The following CAMKK2 variants were observed in gnomAD, a reference collection of about 807,000 sequenced individuals.
The protein encoded by CAMKK2 is calcium/calmodulin dependent protein kinase kinase 2, also known as calcium/calmodulin-dependent protein kinase kinase 2.
Under a neutral mutation model 67.2 loss-of-function variants are expected in CAMKK2, and 30 were observed. The observed-to-expected ratio is 0.45, with a 90% CI of 0.33 to 0.61. The LOEUF is 0.61. Ranked by LOEUF, CAMKK2 falls within the 20% of genes least tolerant of loss-of-function variation. The probability of loss-of-function intolerance (pLI) is 0.02; values close to 1 mark genes in which losing one functional copy is unlikely to be tolerated. For synonymous variants in CAMKK2, 322 were observed against 326.2 expected (o/e 0.99, Z 0.14); for missense variants, 643 against 802.0 (o/e 0.80, Z 2.39).
At chr12:121,252,317 G>A (rs540034485) in intron 11 of CAMKK2, among the ~76,000 whole-genome samples, 29 of 152,342 alleles carry the variant, frequency 1.9e-4, no homozygotes, top group Admixed American at 8.5e-4. Context: ...TGCCCAGGCT[G>A]GAATACAATG....
chr12:121,253,469 T>G lies in CAMKK2; in HGVS notation c.911A>C (p.His304Pro). 6.2e-7 allele frequency: 1 copy of G among 1,613,984 alleles called. No individual in the cohort carries two copies. The highest frequency in any genetic ancestry group is 8.5e-7 in the Non-Finnish European group (1 of 1,179,970). ...GTCACGGTGGATGATCTTCTGGTAG[T>G]GTACTGGGGAGGCGTAGACAGCAGG... The part of the protein sequence containing the change: ...QDLIKGIEYL[H>P]YQKIIHRDIK... The change falls in exon 10 of 17, where the codon CAC becomes CCC. Residue 304 changes from histidine (H) to proline (P), a missense_variant. His to Pro is a moderately conservative substitution (Grantham distance 77). Around this residue, in one of 3 missense-constraint regions of CAMKK2, gnomAD observed 483 missense variants for 625.8 expected, o/e 0.77. Coordinates refer to ENST00000404169, the MANE Select transcript of CAMKK2 (RefSeq NM_001270485.2). This position sits in a 1 kb window ranked among gnomAD's most constrained non-coding sequence, Gnocchi z 5.0.
Position 121,285,374 on chromosome 12 carries a change from A to C in CAMKK2, c.-59-10789T>G, listed in dbSNP as rs1898523065. ...AGAAATTAGCCAGGTATGGTGGCGC[A>C]TGCCTGTTATCCCAGCTACTCAGGA... On this transcript the variant is annotated intron_variant, in intron 1 of 16. Coordinates refer to ENST00000404169, the MANE Select transcript of CAMKK2 (RefSeq NM_001270485.2). The surrounding 1 kb of genome is among the most constrained non-coding windows in gnomAD (Gnocchi z 4.1). Among the ~76,000 whole-genome samples the C allele has an allele frequency of 6.6e-6, 1 of 152,198 alleles. No individual in the cohort carries two copies. The highest frequency in any genetic ancestry group is 6.5e-5 in the Admixed American group (1 of 15,282).
chr12:121,284,904 T>C (rs551675788), intron 1 of CAMKK2, among the ~76,000 whole-genome samples: 72 of 152,328 alleles, frequency 4.7e-4, no homozygotes, highest in Admixed American at 8.5e-4. Context: ...CCTCCTTGTT[T>C]ACAGCTGAAT....
At chr12:121,248,842 T>G in intron 13 of CAMKK2, 108 bp from the exon 14 acceptor site, 5 of 1,320,870 alleles carry the variant, frequency 3.8e-6, no homozygotes, top group Non-Finnish European at 5.4e-6. Context: ...CAAGGGCCTG[T>G]GGTCAGGCAT....
Position 121,287,390 on chromosome 12 carries a change from A to G in CAMKK2, c.-60+9248T>C, listed in dbSNP as rs546583859. On this transcript the variant is annotated intron_variant, in intron 1 of 16. Transcript: ENST00000404169. Reference sequence around the variant, plus strand: ...AGCACATTCTCACATGGCTTTTGCAATCAGCGCAACAGAGGCTGCAGATGG... The same window carrying G: ...AGCACATTCTCACATGGCTTTTGCAGTCAGCGCAACAGAGGCTGCAGATGG... Among the ~76,000 whole-genome samples, 3 of 152,056 alleles carry G rather than the reference A, an allele frequency of 2.0e-5. No homozygotes were observed. The East Asian group carries it at 5.8e-4, about 29-fold the overall frequency.
chr12:121,264,184 T>G (rs1894047881), intron 5 of CAMKK2, among the ~76,000 whole-genome samples: 2 of 152,218 alleles, frequency 1.3e-5, no homozygotes, highest in African/African-American at 4.8e-5. Flanking sequence ...CCCCAGTCCA[T>G]GCCCTGGTCC....
chr12:121,260,069 C>G (rs1893121627), intron 7 of CAMKK2, among the ~76,000 whole-genome samples: 1 of 152,158 alleles, frequency 6.6e-6, no homozygotes, highest in Admixed American at 6.6e-5. Context: ...GGCAACGGAG[C>G]AAGACCCTGA....
rs202021993 is a variant in CAMKK2 at position 121,269,561 on chromosome 12, C to T, written c.540G>A (p.Lys180=). 10 of 1,607,862 alleles carry T rather than the reference C, an allele frequency of 6.2e-6. No individual in the cohort carries two copies. The highest frequency in any genetic ancestry group is 8.5e-6 in the Non-Finnish European group (10 of 1,176,650). Residue 180 remains lysine (K), a synonymous_variant, in exon 4 of 17, where the codon AAG becomes AAA. Transcript: ENST00000404169. Reference sequence around the variant, plus strand: ...TATTGTCATTTTCATTGTAGGCCAACTTGACGACACCATAGGAGCCCTGGA... The same window carrying T: ...TATTGTCATTTTCATTGTAGGCCAATTTGACGACACCATAGGAGCCCTGGA... ...EIGKGSYGVV[K]LAYNENDNTY...
At chr12:121,251,051 G>A (rs751709535) in intron 11 of CAMKK2, among the ~76,000 whole-genome samples, 1 of 152,202 alleles carries the variant, frequency 6.6e-6, no homozygotes, top group Non-Finnish European at 1.5e-5. Context: ...TTGGTCATGT[G>A]TGCTGGAAAA....
chr12:121,264,506 G>C (rs1333165046), intron 5 of CAMKK2, among the ~76,000 whole-genome samples: 2 of 152,118 alleles, frequency 1.3e-5, no homozygotes, highest in Non-Finnish European at 2.9e-5. Context: ...CGGGCACAGT[G>C]CCTCATGCCT....
At chr12:121,250,858 A>G (rs1244697924) in intron 11 of CAMKK2, among the ~76,000 whole-genome samples, 2 of 152,252 alleles carry the variant, frequency 1.3e-5, no homozygotes, top group Non-Finnish European at 2.9e-5. Context: ...GTCATCAGAA[A>G]TAATAAGTAG....
intron 1 of CAMKK2, among the ~76,000 whole-genome samples, chr12:121,275,509 AG>A (rs1388996072): frequency 6.7e-6 from 1 of 150,280 alleles, no homozygotes; most frequent in East Asian, 2.0e-4. Flanking sequence ...AAAAAAAAAA[AG>A]GTCGGGGGGA....
intron 5 of CAMKK2, among the ~76,000 whole-genome samples, chr12:121,268,086 A>ATATATATATATATATATATATAT (rs1440366454): frequency 7.0e-6 from 1 of 142,426 alleles, no homozygotes; most frequent in African/African-American, 2.6e-5. Context: ...TTGGATGCAT[A>ATATATATATATATATATATATAT]TATATATATA....
At chr12:121,271,811 A>C (rs1895838427) in intron 2 of CAMKK2, among the ~76,000 whole-genome samples, 1 of 152,056 alleles carries the variant, frequency 6.6e-6, no homozygotes, top group African/African-American at 2.4e-5. Flanking sequence ...AGATTCAAGC[A>C]ATTCTCCTGC....
rs1411411190 is a variant in CAMKK2, at chr12:121,263,863, G to A, written c.702C>T (p.Tyr234=). 1.2e-6 allele frequency: 2 copies of A among 1,610,992 alleles called. No homozygotes were observed. Among genetic ancestry groups the A allele is most frequent in the East Asian group, 2.2e-5 (1 of 44,838 alleles). The change falls in exon 6 of 17, where the codon TAC becomes TAT. Residue 234 remains tyrosine (Y), a synonymous_variant. Transcript: ENST00000404169. ...IQPRGPIEQV[Y]QEIAILKKLD... ...GCTTCTTGAGGATGGCAATTTCCTG[G>A]TACACCTGCTCAATGGGGCCCCTGG...
At chr12:121,241,199 G>A (rs959709829) in intron 16 of CAMKK2, among the ~76,000 whole-genome samples, 4 of 152,202 alleles carry the variant, frequency 2.6e-5, no homozygotes, top group Admixed American at 6.5e-5. Context: ...ACCCCACGGC[G>A]CCTGTCATAC....
rs1212272197 is a variant in CAMKK2, at chr12:121,276,041, T to TC, written c.-59-1457dup. Among the ~76,000 whole-genome samples, 12 of 150,604 alleles carry TC rather than the reference T, an allele frequency of 8.0e-5. No homozygotes were observed. The South Asian group carries it at 8.4e-4, about 11-fold the overall frequency. On this transcript the variant is annotated intron_variant, in intron 1 of 16. Coordinates refer to ENST00000404169, the MANE Select transcript of CAMKK2 (RefSeq NM_001270485.2). ...CAAGTGTGGTGATGTACACCTGTAG[T>TC]CCCAGCTACTCAGGAGGCTGAGGCA... is the stretch of plus-strand genomic sequence containing the variant.
intron 14 of CAMKK2, among the ~76,000 whole-genome samples, chr12:121,247,865 G>A (rs1169810): frequency 0.014 from 2,075 of 152,276 alleles, 46 homozygotes; most frequent in African/African-American, 0.047. Context: ...GGCCCACTGG[G>A]ACTAGTGCTG....
chr12:121,243,971 A>G, intron 16 of CAMKK2: 1 of 1,485,452 alleles, frequency 6.7e-7, no homozygotes, highest in Non-Finnish European at 9.0e-7. Flanking sequence ...CAGTCTCATA[A>G]GGACACAAAG....
Sources: gnomAD v4.1 joint callset for allele counts (sites outside exome capture counted in the v4.1 genomes callset) on GRCh38, gnomAD v4.1.1 for gene constraint, gnomAD v4.1.1 regional missense constraint, Gnocchi (gnomAD v3.1) non-coding constraint, MANE v1.5 for transcripts, NCBI Gene and HGNC (gene_info 2026-07-23, HGNC 2026-07-21) for gene names.